The following SORCS1 variants were observed in gnomAD, a reference collection of about 807,000 sequenced individuals.
SORCS1 encodes VPS10 domain-containing receptor SorCS1.
A neutral mutation model predicts 146.1 loss-of-function variants in SORCS1; 60 were observed. The ratio of observed to expected loss-of-function variants is 0.41; its 90% confidence interval spans 0.33 to 0.51. The LOEUF (loss-of-function observed/expected upper bound fraction) is 0.51, where lower values mean the gene tolerates loss of function less well. Ranked by LOEUF, SORCS1 falls within the 20% of genes least tolerant of loss-of-function variation. The probability of loss-of-function intolerance (pLI) is 0.21; values close to 1 mark genes in which losing one functional copy is unlikely to be tolerated. For missense variants in SORCS1, 1,352 were observed against 1,487.6 expected, an observed-to-expected ratio of 0.91 and a Z score of 1.50; for synonymous variants, 637 against 584.0, an observed-to-expected ratio of 1.09 and a Z score of -1.31.
At chr10:106,875,433 G>C (rs1306930799) in intron 2 of SORCS1, among the ~76,000 whole-genome samples, 1 of 152,074 alleles carries the variant, frequency 6.6e-6, no homozygotes, top group African/African-American at 2.4e-5. Context: ...TACATGTTCA[G>C]GTATCTTGTT....
At chr10:107,165,292 A>AGTGTGTGTGTGTGTGTGT (rs3982278), upstream of SORCS1, among the ~76,000 whole-genome samples, 1,193 of 142,756 alleles carry the variant, frequency 8.4e-3, 10 homozygotes, top group African/African-American at 0.027. This position sits in a 1 kb window ranked among gnomAD's most constrained non-coding sequence, Gnocchi z 4.0. Context: ...CTCGTGTGTG[A>AGTGTGTGTGTGTGTGTGT]GTGTGTGTGT....
In SORCS1 at chr10:106,622,100, G is replaced by T. The variant is rs1177178830; in HGVS notation, c.2663-1539C>A. Among the ~76,000 whole-genome samples, 4 of 152,062 alleles carry T rather than the reference G, an allele frequency of 2.6e-5. 1 individual carries two copies. The East Asian group carries it at 7.8e-4, about 29-fold the overall frequency. On this transcript the variant is annotated intron_variant, in intron 19 of 25. Transcript: ENST00000263054. ...AGGTCAAGAGATCGAAACCATCCTG[G>T]CCAACATGGTGAAACCCCATCTCTA... is the stretch of plus-strand genomic sequence containing the variant.
the SORCS1 span, among the ~76,000 whole-genome samples, chr10:107,172,396 G>A: frequency 2.6e-5 from 4 of 152,118 alleles, no homozygotes; most frequent in African/African-American, 9.7e-5. Context: ...GACTTTTAAA[G>A]GTTCTCATTA....
chr10:106,868,347 C>CTGAT (rs1163398832), intron 2 of SORCS1, among the ~76,000 whole-genome samples: 1 of 152,138 alleles, frequency 6.6e-6, no homozygotes, highest in East Asian at 1.9e-4. Context: ...CCAAATCAAT[C>CTGAT]TGATAGACCT....
At chr10:106,935,126 AC>A (rs763521042) in intron 2 of SORCS1, among the ~76,000 whole-genome samples, 1 of 152,326 alleles carries the variant, frequency 6.6e-6, no homozygotes, top group East Asian at 1.9e-4. Flanking sequence ...ATACCCACTT[AC>A]AAATGAGGAA....
At chr10:106,637,742 T>A (rs1434951354) in intron 18 of SORCS1, among the ~76,000 whole-genome samples, 2 of 152,156 alleles carry the variant, frequency 1.3e-5, no homozygotes, top group African/African-American at 4.8e-5. Context: ...AAGATGGCTG[T>A]TTTTTCAGGC....
intron 2 of SORCS1, among the ~76,000 whole-genome samples, chr10:106,944,454 C>T (rs1398531323): frequency 2.6e-5 from 4 of 152,190 alleles, no homozygotes; most frequent in African/African-American, 9.7e-5. Flanking sequence ...CAGGTCTCTT[C>T]TCCTCCAGAA....
intron 24 of SORCS1, among the ~76,000 whole-genome samples, chr10:106,589,773 C>T (rs916446545): frequency 2.0e-4 from 31 of 151,232 alleles, no homozygotes; most frequent in Non-Finnish European, 5.9e-5. Context: ...TATCTTGCCA[C>T]TTGCCACTTG....
intron 1 of SORCS1, among the ~76,000 whole-genome samples, chr10:107,013,614 C>T (rs1357520633): frequency 6.6e-6 from 1 of 152,116 alleles, no homozygotes; most frequent in African/African-American, 2.4e-5. Flanking sequence ...TAGATGAAAC[C>T]TAAAGAGCTC....
chr10:107,077,898 A>G (rs1963019909), intron 1 of SORCS1, among the ~76,000 whole-genome samples: 1 of 152,162 alleles, frequency 6.6e-6, no homozygotes. Flanking sequence ...AAATGCTTAG[A>G]AAGAGAATTA....
At chr10:106,864,533 A>C (rs989250804) in intron 2 of SORCS1, among the ~76,000 whole-genome samples, 1 of 152,156 alleles carries the variant, frequency 6.6e-6, no homozygotes, top group African/African-American at 2.4e-5. Context: ...TTCCCGGCAA[A>C]AGCAGCTGAA....
intron 2 of SORCS1, among the ~76,000 whole-genome samples, chr10:106,859,931 G>T (rs1315393020): frequency 6.6e-6 from 1 of 152,174 alleles, no homozygotes; most frequent in Non-Finnish European, 1.5e-5. Context: ...TCCAGAAGGT[G>T]CTCAGTGTTG....
intron 2 of SORCS1, 139 bp downstream of exon 2, chr10:106,956,374 A>T: frequency 1.4e-6 from 1 of 715,448 alleles, no homozygotes; most frequent in Non-Finnish European, 2.4e-6. Flanking sequence ...GCATCACTAA[A>T]GGAAACAGAG....
chr10:107,171,578 G>C, the SORCS1 span, among the ~76,000 whole-genome samples: 1 of 138,060 alleles, frequency 7.2e-6, no homozygotes, highest in Non-Finnish European at 1.5e-5. Flanking sequence ...GTGCATTGGT[G>C]CTATCTTGGC....
intron 2 of SORCS1, among the ~76,000 whole-genome samples, chr10:106,854,097 T>G (rs527248035): frequency 6.6e-6 from 1 of 152,198 alleles, no homozygotes; most frequent in African/African-American, 2.4e-5. Flanking sequence ...CTTGCAGTTC[T>G]AATCAGTTTT....
At chr10:107,004,132 C>A (rs374276586) in intron 1 of SORCS1, among the ~76,000 whole-genome samples, 2 of 142,670 alleles carry the variant, frequency 1.4e-5, no homozygotes, top group Non-Finnish European at 3.0e-5. Context: ...GCCGAGATTG[C>A]GCCACTGCAC....
chr10:107,007,063 T>C (rs1957479649), intron 1 of SORCS1, among the ~76,000 whole-genome samples: 1 of 152,194 alleles, frequency 6.6e-6, no homozygotes, highest in African/African-American at 2.4e-5. Flanking sequence ...TTGTTCTCAA[T>C]TTTGTAGTAA....
intron 1 of SORCS1, among the ~76,000 whole-genome samples, chr10:107,119,107 T>C (rs1284174677): frequency 6.6e-6 from 1 of 152,196 alleles, no homozygotes. Context: ...ATGGAAGTGG[T>C]GGACAAGCCT....
chr10:106,655,899 A>G (rs369422380), intron 17 of SORCS1, among the ~76,000 whole-genome samples: 20 of 152,338 alleles, frequency 1.3e-4, no homozygotes, highest in Non-Finnish European at 1.5e-4. Flanking sequence ...TGCATTTAAT[A>G]TGTTATTAAA....
Sources: allele counts gnomAD v4.1 joint callset (sites outside exome capture counted in the v4.1 genomes callset), GRCh38; gene constraint gnomAD v4.1.1; non-coding constraint Gnocchi (gnomAD v3.1); transcripts MANE v1.5; gene names NCBI Gene and HGNC (gene_info 2026-07-23, HGNC 2026-07-21).